Variants in HMGXB4 observed in about 807,000 individuals in gnomAD.
HMGXB4 encodes HMG domain-containing protein 4.
In HMGXB4, 27 loss-of-function variants were observed where a neutral mutation model predicts 63.9. The ratio of observed to expected loss-of-function variants is 0.42; its 90% CI spans 0.31 to 0.58. HMGXB4 has a LOEUF of 0.58. HMGXB4 is among the 20% of genes least tolerant of loss of function. The pLI, the probability that HMGXB4 is intolerant of heterozygous loss-of-function variation, is 0.13. For missense variants in HMGXB4, 624 were observed against 700.7 expected, an observed-to-expected ratio of 0.89 and a Z score of 1.24; for synonymous variants, 264 against 265.3, an observed-to-expected ratio of 0.99 and a Z score of 0.05.
At chr22:35,272,753 G>T (rs1923683132) in intron 5 of HMGXB4, among the ~76,000 whole-genome samples, 1 of 152,108 alleles carries the variant, frequency 6.6e-6, no homozygotes, top group Non-Finnish European at 1.5e-5. Context: ...GACCAACTTG[G>T]TGAAACCCCA....
At chr22:35,249,523 T>A in the HMGXB4 span, among the ~76,000 whole-genome samples, 5 of 99,104 alleles carry the variant, frequency 5.0e-5, no homozygotes, top group African/African-American at 1.3e-4. Context: ...GATCAGAACA[T>A]GGACAGGAAA....
rs748254619 is a variant in HMGXB4, at chr22:35,285,970, A to G, written c.1298-27A>G. ...TTGTTAATAGCTAACCCTTTACTGT[A>G]TTGAGTGTTTTACTCTTTTATGCCA... On this transcript the variant is annotated intron_variant, in intron 6 of 10. Transcript: ENST00000216106. The G allele has an allele frequency of 2.6e-6, 4 of 1,559,230 alleles. No individual in the cohort carries two copies. The African/African-American group carries it at 4.1e-5, about 16-fold the overall frequency.
the HMGXB4 span, among the ~76,000 whole-genome samples, chr22:35,250,381 AAGAG>A: frequency 2.0e-5 from 3 of 152,284 alleles, no homozygotes; most frequent in East Asian, 5.8e-4. Flanking sequence ...GAGCTGGAGC[AAGAG>A]AGAGAGGAGG....
intron 4 of HMGXB4, 85 bp downstream of exon 4, chr22:35,263,959 T>A: frequency 6.3e-7 from 1 of 1,589,276 alleles, no homozygotes; most frequent in Non-Finnish European, 8.6e-7. Flanking sequence ...CAGATGTTGC[T>A]GACTCAGTGG....
At chr22:35,254,912 G>A (rs1307189449), upstream of HMGXB4, among the ~76,000 whole-genome samples, 3 of 152,120 alleles carry the variant, frequency 2.0e-5, no homozygotes, top group African/African-American at 7.2e-5. Context: ...GAAGAAATGG[G>A]ACCAATAGGA....
At chr22:35,285,609 C>T (rs766952284) in intron 6 of HMGXB4, among the ~76,000 whole-genome samples, 8 of 152,112 alleles carry the variant, frequency 5.3e-5, no homozygotes, top group Non-Finnish European at 1.2e-4. Context: ...CGCCTGTGGT[C>T]CCGCTACTTG....
In HMGXB4 at chr22:35,293,721, G is replaced by C. The variant is rs1220765407; in HGVS notation, c.*70G>C. The C allele has an allele frequency of 1.0e-5, 12 of 1,151,746 alleles. No individual in the cohort carries two copies. The highest frequency in any genetic ancestry group is 3.9e-4 in the Middle Eastern group (2 of 5,152). The allele number at this position is 1,151,746 out of a possible 1,614,324, so 71.3% of individuals were successfully genotyped here. A position where few individuals can be genotyped will look rare whatever the true frequency, so the allele number is the denominator to read the frequency against. ...GGTTTGTGTATATATGACTGTTGCAGATTCCTTCAGTGGCCTCTGGCTGTA... is the reference window on the plus strand; with the variant it reads ...GGTTTGTGTATATATGACTGTTGCACATTCCTTCAGTGGCCTCTGGCTGTA... On this transcript the variant is annotated 3_prime_UTR_variant, in exon 11 of 11. Transcript: ENST00000216106.
chr22:35,276,578 A>G (rs1923927465), intron 5 of HMGXB4, among the ~76,000 whole-genome samples: 1 of 152,146 alleles, frequency 6.6e-6, no homozygotes, highest in Non-Finnish European at 1.5e-5. Flanking sequence ...CCTTTACATG[A>G]ACTCATGGGC....
chr22:35,292,958 T>C, intron 9 of HMGXB4, 34 bp from the exon 10 acceptor site: 2 of 1,613,702 alleles, frequency 1.2e-6, no homozygotes. Context: ...GCATCAGGAG[T>C]GTGACTCAAG....
At chr22:35,244,881 AT>A in the HMGXB4 span, among the ~76,000 whole-genome samples, 308 of 152,306 alleles carry the variant, frequency 2.0e-3, no homozygotes, top group Middle Eastern at 3.4e-3. Flanking sequence ...TACCCTTTCT[AT>A]AAAAAGTATA....
chr22:35,258,828 A>G (rs1922638998), intron 1 of HMGXB4, among the ~76,000 whole-genome samples: 1 of 152,206 alleles, frequency 6.6e-6, no homozygotes. Context: ...AGAATCTTGG[A>G]CATGGCTCTC....
At chr22:35,262,991 G>A in intron 2 of HMGXB4, 87 bp from the exon 3 acceptor site, 9 of 1,211,726 alleles carry the variant, frequency 7.4e-6, no homozygotes, top group East Asian at 2.3e-5. Context: ...TGGAAATAGA[G>A]GAACTGTTGC....
chr22:35,264,224 C>T (rs1020602414), intron 4 of HMGXB4: 2 of 504,444 alleles, frequency 4.0e-6, no homozygotes. Context: ...TATATCCACT[C>T]ACAGAACCAG....
At chr22:35,266,474 G>T (rs951061921) in intron 5 of HMGXB4, among the ~76,000 whole-genome samples, 3 of 152,162 alleles carry the variant, frequency 2.0e-5, no homozygotes, top group African/African-American at 7.2e-5. Context: ...GGACATAGTT[G>T]TTGACTTTAG....
At chr22:35,289,980 A>G (rs1455036190) in intron 9 of HMGXB4, among the ~76,000 whole-genome samples, 1 of 152,224 alleles carries the variant, frequency 6.6e-6, no homozygotes, top group African/African-American at 2.4e-5. Context: ...TTCAACAAAT[A>G]AAATGCCAAA....
chr22:35,264,884 T>G lies in HMGXB4; in HGVS notation c.496T>G (p.Ser166Ala), dbSNP rs769812521. Residue 166 changes from serine to alanine, a missense_variant, in exon 5 of 11, where the codon TCC becomes GCC. By Grantham distance (99) the Ser-to-Ala change is moderately conservative. Coordinates refer to ENST00000216106, the MANE Select transcript of HMGXB4 (RefSeq NM_001003681.3). ...SGELPLEDGG[S>A]HKSKKMKPLY... Reference sequence around the variant, plus strand: ...GGAACTACCCCTAGAGGATGGTGGCTCCCACAAATCGAAAAAAATGAAACC... The same window carrying G: ...GGAACTACCCCTAGAGGATGGTGGCGCCCACAAATCGAAAAAAATGAAACC... 1 of 1,613,918 alleles carries G rather than the reference T, an allele frequency of 6.2e-7. No individual in the cohort carries two copies. The highest frequency in any genetic ancestry group is 1.7e-5 in the Admixed American group (1 of 59,982).
chr22:35,280,036 G>A (rs947458293), intron 5 of HMGXB4, among the ~76,000 whole-genome samples: 1 of 152,078 alleles, frequency 6.6e-6, no homozygotes, highest in African/African-American at 2.4e-5. Flanking sequence ...TGGGCTTGTT[G>A]TCTCTTTTTT....
chr22:35,243,108 C>T, the HMGXB4 span, among the ~76,000 whole-genome samples: 3 of 152,172 alleles, frequency 2.0e-5, no homozygotes, highest in East Asian at 1.9e-4. Flanking sequence ...CGGTGGCTCA[C>T]GCTTGTAATT....
chr22:35,257,183 G>T (rs1300435512), upstream of HMGXB4, among the ~76,000 whole-genome samples: 1 of 152,204 alleles, frequency 6.6e-6, no homozygotes, highest in Non-Finnish European at 1.5e-5. Flanking sequence ...AGAAGACTTG[G>T]AGTAATACTC....
Sources: gnomAD v4.1 joint callset for allele counts (sites outside exome capture counted in the v4.1 genomes callset) on GRCh38, gnomAD v4.1.1 for gene constraint, MANE v1.5 for transcripts, NCBI Gene and HGNC (gene_info 2026-07-23, HGNC 2026-07-21) for gene names.